The following PSMB3 variants were observed in gnomAD, a reference collection of about 807,000 sequenced individuals.
PSMB3 encodes proteasome 20S subunit beta 3.
A neutral mutation model predicts 23.3 loss-of-function variants in PSMB3; 5 were observed. The ratio of observed to expected loss-of-function variants is 0.21; its 90% CI spans 0.11 to 0.45. The LOEUF is 0.45. PSMB3 is among the 20% of genes least tolerant of loss of function. The probability of loss-of-function intolerance (pLI) is 0.99; values close to 1 mark genes in which losing one functional copy is unlikely to be tolerated. For missense variants in PSMB3, 192 were observed against 277.9 expected (o/e 0.69, Z 2.20); for synonymous variants, 85 against 99.8 (o/e 0.85, Z 0.88).
At position 38,755,955 on chromosome 17, in the gene PSMB3, C is replaced by T. The variant is rs777345562; in HGVS notation, c.261C>T (p.Leu87=). 1 of 1,614,120 alleles carries T rather than the reference C, an allele frequency of 6.2e-7. No individual in the cohort carries two copies. Among genetic ancestry groups the T allele is most frequent in the Non-Finnish European group, 8.5e-7 (1 of 1,180,010 alleles). Residue 87 remains leucine (L), a synonymous_variant, in exon 3 of 6, where the codon CTC becomes CTT. Transcript: ENST00000619426. ...GTCGGCAGATCAAACCTTATACCCT[C>T]ATGAGCATGGTGGCCAACCTCTTGT... ...KEGRQIKPYT[L]MSMVANLLYE...
chr17:38,760,339 G>T (rs1908379409), intron 3 of PSMB3, 92 bp from the exon 4 acceptor site: 3 of 1,417,826 alleles, frequency 2.1e-6, no homozygotes, highest in South Asian at 1.3e-5. Flanking sequence ...CTTTGGGTCT[G>T]GGTCTAGGCC....
At chr17:38,757,097 G>C (rs1277917747) in intron 3 of PSMB3, among the ~76,000 whole-genome samples, 1 of 141,848 alleles carries the variant, frequency 7.0e-6, no homozygotes, top group African/African-American at 2.6e-5. Flanking sequence ...GGTCGGGCTG[G>C]TCTTGAACTC....
intron 2 of PSMB3, among the ~76,000 whole-genome samples, chr17:38,754,944 C>G (rs957692925): frequency 6.6e-6 from 1 of 151,678 alleles, no homozygotes; most frequent in Admixed American, 6.6e-5. Context: ...GCCAAATGGC[C>G]TTTTTCTAAG....
chr17:38,764,088 G>T, intron 5 of PSMB3, 31 bp from the exon 6 acceptor site: 1 of 1,614,006 alleles, frequency 6.2e-7, no homozygotes, highest in South Asian at 1.1e-5. Context: ...GATGGGTAGA[G>T]ATGTTTTCTT....
chr17:38,760,287 C>T, intron 3 of PSMB3, 144 bp from the exon 4 acceptor site: 1 of 769,932 alleles, frequency 1.3e-6, no homozygotes, highest in Non-Finnish European at 2.1e-6. Flanking sequence ...AGGGAGCTGG[C>T]CTCAGGGAAA....
chr17:38,763,971 G>T (rs755738606), intron 5 of PSMB3, 148 bp from the exon 6 acceptor site: 1 of 779,262 alleles, frequency 1.3e-6, no homozygotes, highest in Non-Finnish European at 2.1e-6. Context: ...ACTAGAGCAG[G>T]ATAGTTACAC....
chr17:38,761,409 G>A lies in PSMB3; in HGVS notation c.474+801G>A, dbSNP rs571396505. On this transcript the variant is annotated intron_variant, in intron 4 of 5. Coordinates refer to ENST00000619426, the MANE Select transcript of PSMB3 (RefSeq NM_002795.4). ...AAATGAGTATATGTGCTGCCGAAGC[G>A]AGCACAAAAACAAGTGAGAAGAGAT... 2.6e-5 allele frequency among the ~76,000 whole-genome samples: 4 copies of A among 151,814 alleles called. No homozygotes were observed. The South Asian group carries it at 6.3e-4, about 24-fold the overall frequency.
chr17:38,756,064 G>A lies in PSMB3; in HGVS notation c.296+74G>A, dbSNP rs1598031078. On this transcript the variant is annotated intron_variant, in intron 3 of 5. Coordinates refer to ENST00000619426, the MANE Select transcript of PSMB3 (RefSeq NM_002795.4). ...GTAGTATGGAGTAGGTACTGAGGAA[G>A]AGGACTCTCCTTGTTTTTCCATCTC... is the stretch of plus-strand genomic sequence containing the variant. 8 of 1,206,040 alleles carry A rather than the reference G, an allele frequency of 6.6e-6. 1 individual carries two copies. The East Asian group carries it at 1.9e-4, about 29-fold the overall frequency. 74.7% of individuals were successfully genotyped at this position (1,206,040 alleles called of 1,614,324 possible). A position where few individuals can be genotyped will look rare whatever the true frequency, so the allele number is the denominator to read the frequency against.
intron 1 of PSMB3, 124 bp from the exon 2 acceptor site, chr17:38,753,026 C>T (rs979395229): frequency 4.7e-6 from 6 of 1,276,982 alleles, no homozygotes; most frequent in Non-Finnish European, 6.4e-6. Context: ...AGCTGGAGAA[C>T]CAGGGGTTCA....
rs759823102 is a variant in PSMB3, at chr17:38,764,195, CT to C, written c.*35del. 3.1e-6 allele frequency: 5 copies of C among 1,606,018 alleles called. No homozygotes were observed. The highest frequency in any genetic ancestry group is 1.7e-5 in the Admixed American group (1 of 58,876). On this transcript the variant is annotated 3_prime_UTR_variant, in exon 6 of 6. Coordinates refer to ENST00000619426, the MANE Select transcript of PSMB3 (RefSeq NM_002795.4). ...CTGTTCCCAGAGCCCACTTTTTTTT[CT>C]TTTTTTGAAATAAAATAGCCTGTCT...
intron 4 of PSMB3, among the ~76,000 whole-genome samples, chr17:38,761,284 G>A (rs1908424319): frequency 6.7e-6 from 1 of 148,698 alleles, no homozygotes; most frequent in Non-Finnish European, 1.5e-5. Flanking sequence ...GGAGGCGGAG[G>A]TTGCGGTGAA....
intron 2 of PSMB3, among the ~76,000 whole-genome samples, chr17:38,754,005 A>G (rs1353872216): frequency 6.6e-6 from 1 of 152,192 alleles, no homozygotes; most frequent in African/African-American, 2.4e-5. Flanking sequence ...AAGAGAAGCC[A>G]GAGAAGAATA....
chr17:38,755,749 A>C (rs1908168598), intron 2 of PSMB3, 134 bp from the exon 3 acceptor site: 2 of 648,778 alleles, frequency 3.1e-6, no homozygotes, highest in Non-Finnish European at 5.4e-6. Context: ...CTACTTCCTA[A>C]CACATGTAAG....
Position 38,755,656 on chromosome 17 carries a change from AAAAATAT to A in PSMB3, c.189-225_189-219del, listed in dbSNP as rs1364680655. ...GAGTGAGACTCCGTCTAAAAAAAAA[AAAAATAT>A]ATATATATATATATATATATGTGTG... On this transcript the variant is annotated intron_variant, in intron 2 of 5. Coordinates refer to ENST00000619426, the MANE Select transcript of PSMB3 (RefSeq NM_002795.4). 2.4e-3 allele frequency among the ~76,000 whole-genome samples: 186 copies of A among 77,188 alleles called. 5 individuals are homozygous for A. The highest frequency in any genetic ancestry group is 8.7e-3 in the African/African-American group (148 of 16,982). The allele number at this position is 77,188 out of a possible 152,430, so 50.6% of individuals were successfully genotyped here.
intron 4 of PSMB3, 56 bp from the exon 5 acceptor site, chr17:38,762,354 AC>A: frequency 6.8e-7 from 1 of 1,464,480 alleles, no homozygotes. Context: ...GAGTTAAGGG[AC>A]CAGACCAAAT....
intron 3 of PSMB3, among the ~76,000 whole-genome samples, chr17:38,757,690 C>G (rs148794814): frequency 6.6e-6 from 1 of 152,206 alleles, no homozygotes; most frequent in Non-Finnish European, 1.5e-5. Flanking sequence ...TGGCACACAC[C>G]GGTAATCCCA....
At chr17:38,755,849 A>T (rs1908172982) in intron 2 of PSMB3, 34 bp from the exon 3 acceptor site, 2 of 1,556,920 alleles carry the variant, frequency 1.3e-6, no homozygotes, top group African/African-American at 2.7e-5. Context: ...AATATTCAAT[A>T]ATGACTTACT....
In PSMB3 at chr17:38,760,240, AAGTCTT is replaced by A. The variant is rs1908376388; in HGVS notation, c.297-188_297-183del. ...AAGTGTTGAAGAAAAGAAAGTGGAAAAGTCTTAGAATATTTCTAGCTGGCAGGAGAA... is the reference window on the plus strand; with the variant it reads ...AAGTGTTGAAGAAAAGAAAGTGGAAAAGAATATTTCTAGCTGGCAGGAGAA... On this transcript the variant is annotated intron_variant, in intron 3 of 5. Transcript: ENST00000619426. 11 of 580,772 alleles carry A rather than the reference AAGTCTT, an allele frequency of 1.9e-5. No individual in the cohort carries two copies. The South Asian group carries it at 2.7e-4, about 14-fold the overall frequency. 36.0% of individuals were successfully genotyped at this position (580,772 alleles called of 1,614,324 possible). A position where few individuals can be genotyped will look rare whatever the true frequency, so the allele number is the denominator to read the frequency against.
At position 38,756,006 on chromosome 17, in the gene PSMB3, G is replaced by C; in HGVS notation, c.296+16G>C. On this transcript the variant is annotated intron_variant, in intron 3 of 5. Coordinates refer to ENST00000619426, the MANE Select transcript of PSMB3 (RefSeq NM_002795.4). Reference sequence around the variant, plus strand: ...ATGAGAAACGGTGAGTGCAAGTGTAGCTAGCACTGAGGGAATGCAGACATC... The same window carrying C: ...ATGAGAAACGGTGAGTGCAAGTGTACCTAGCACTGAGGGAATGCAGACATC... 1.3e-6 allele frequency: 2 copies of C among 1,565,320 alleles called. No homozygotes were observed. Among genetic ancestry groups the C allele is most frequent in the South Asian group, 2.2e-5 (2 of 90,064 alleles).
Sources: gnomAD v4.1 joint callset for allele counts (sites outside exome capture counted in the v4.1 genomes callset) on GRCh38, gnomAD v4.1.1 for gene constraint, MANE v1.5 for transcripts, NCBI Gene and HGNC (gene_info 2026-07-23, HGNC 2026-07-21) for gene names.